The following ANGEL2 variants were observed in gnomAD, a reference collection of about 807,000 sequenced individuals.
ANGEL2 encodes the protein angel homolog 2, also known as RNA 2',3'-cyclic phosphatase ANGEL2.
A neutral mutation model predicts 66.0 loss-of-function variants in ANGEL2; 41 were observed. The ratio of observed to expected loss-of-function variants is 0.62; its 90% CI spans 0.48 to 0.81. The LOEUF is 0.81. ANGEL2 is among the 30% of genes least tolerant of loss of function. The pLI is 0.00. For missense variants in ANGEL2, 561 were observed against 641.6 expected, an observed-to-expected ratio of 0.87 and a Z score of 1.36; for synonymous variants, 208 against 226.5, an observed-to-expected ratio of 0.92 and a Z score of 0.73.
chr1:213,009,884 C>T (rs1469312970), intron 2 of ANGEL2, among the ~76,000 whole-genome samples: 1 of 151,982 alleles, frequency 6.6e-6, no homozygotes, highest in Non-Finnish European at 1.5e-5. Context: ...AACCCTGTCT[C>T]TACTAAAAAT....
At chr1:213,011,436 A>G in intron 2 of ANGEL2, 1 of 1,127,192 alleles carries the variant, frequency 8.9e-7, no homozygotes, top group Non-Finnish European at 1.1e-6. Context: ...CTTAACGAAG[A>G]GCATTTTCCT....
intron 7 of ANGEL2, 31 bp from the exon 8 acceptor site, chr1:212,997,349 C>T (rs369093729): frequency 7.9e-5 from 124 of 1,566,200 alleles, no homozygotes; most frequent in Admixed American, 3.0e-4. Flanking sequence ...GTTTAGAATC[C>T]GAGTTTTTGT....
At chr1:213,012,926 G>A (rs1480087604) in intron 2 of ANGEL2, among the ~76,000 whole-genome samples, 167 bp downstream of exon 2, 1 of 152,112 alleles carries the variant, frequency 6.6e-6, no homozygotes, top group Non-Finnish European at 1.5e-5. Flanking sequence ...TAAAAATAAA[G>A]ACTTCATTTA....
At chr1:213,000,995 G>A in intron 5 of ANGEL2, 83 bp from the exon 6 acceptor site, 1 of 1,377,558 alleles carries the variant, frequency 7.3e-7, no homozygotes, top group South Asian at 1.3e-5. Context: ...TAAATAAAAG[G>A]TAATCCAAAA....
intron 1 of ANGEL2, among the ~76,000 whole-genome samples, chr1:213,014,258 C>A (rs1020549380): frequency 1.3e-5 from 2 of 152,224 alleles, no homozygotes; most frequent in Non-Finnish European, 2.9e-5. Flanking sequence ...GGACTTTTAT[C>A]CTTTCCTCCA....
Position 213,015,760 on chromosome 1 carries a change from C to G in ANGEL2, c.-89G>C. The stretch of plus-strand genomic sequence containing the variant: ...GCGACGGCCTAAAGTATCTAGGGAA[C>G]CCCATCACTCTTAAGTACCGACTCC... On this transcript the variant is annotated 5_prime_UTR_variant, in exon 1 of 9. Coordinates refer to ENST00000366962, the MANE Select transcript of ANGEL2 (RefSeq NM_144567.5). 1.3e-6 allele frequency: 2 copies of G among 1,570,890 alleles called. No homozygotes were observed. The highest frequency in any genetic ancestry group is 1.7e-6 in the Non-Finnish European group (2 of 1,144,232).
intron 8 of ANGEL2, among the ~76,000 whole-genome samples, chr1:212,996,211 G>A (rs569992157): frequency 9.5e-4 from 145 of 152,304 alleles, no homozygotes; most frequent in Non-Finnish European, 1.0e-3. Context: ...GGAGGCTGAG[G>A]CAGGAGAATG....
chr1:212,998,882 AATT>A (rs1572112738), intron 7 of ANGEL2, among the ~76,000 whole-genome samples: 1 of 147,610 alleles, frequency 6.8e-6, no homozygotes. Context: ...TATTTTTTAA[AATT>A]ATTATCATTA....
chr1:212,996,640 A>AATATATAT lies in ANGEL2; in HGVS notation c.1483+507_1483+514dup, dbSNP rs34712162. The stretch of plus-strand genomic sequence containing the variant: ...TCTGTATCCAAAAAAAAAAAAAAAA[A>AATATATAT]ATATATATATATATATATATATATA... On this transcript the variant is annotated intron_variant, in intron 8 of 8. Coordinates refer to ENST00000366962, the MANE Select transcript of ANGEL2 (RefSeq NM_144567.5). Among the ~76,000 whole-genome samples the AATATATAT allele has an allele frequency of 6.2e-4, 41 of 66,470 alleles. 1 individual carries two copies. The highest frequency in any genetic ancestry group is 1.1e-3 in the East Asian group (2 of 1,748). 43.6% of individuals were successfully genotyped at this position (66,470 alleles called of 152,430 possible). A position where few individuals can be genotyped will look rare whatever the true frequency, so the allele number is the denominator to read the frequency against.
At chr1:212,998,196 G>A (rs934417829) in intron 7 of ANGEL2, among the ~76,000 whole-genome samples, 3 of 150,722 alleles carry the variant, frequency 2.0e-5, no homozygotes, top group African/African-American at 7.3e-5. Flanking sequence ...CTCGAGACCA[G>A]CCTGGGCAAC....
chr1:213,014,955 C>T (rs1272918335), intron 1 of ANGEL2, among the ~76,000 whole-genome samples: 1 of 152,194 alleles, frequency 6.6e-6, no homozygotes, highest in African/African-American at 2.4e-5. Context: ...AAAACATAAT[C>T]GCACATCAAA....
rs957517748 is a variant in ANGEL2 at position 213,005,288 on chromosome 1, C to T, written c.879G>A (p.Gln293=). ...RDNVGLVLLL[Q]PKIPYAACPA... Reference sequence around the variant, plus strand: ...GGCAGGCAGCATATGGAATTTTGGGCTGTAAGAGTAAAACTAATCCAACAT... The same window carrying T: ...GGCAGGCAGCATATGGAATTTTGGGTTGTAAGAGTAAAACTAATCCAACAT... The change falls in exon 5 of 9, where the codon CAG becomes CAA. Residue 293 remains glutamine, a synonymous_variant. Transcript: ENST00000366962. The T allele has an allele frequency of 1.2e-6, 2 of 1,614,194 alleles. No individual in the cohort carries two copies. Among genetic ancestry groups the T allele is most frequent in the East Asian group, 2.2e-5 (1 of 44,888 alleles).
intron 8 of ANGEL2, among the ~76,000 whole-genome samples, chr1:212,995,834 A>G (rs2148127732): frequency 6.6e-6 from 1 of 152,300 alleles, no homozygotes; most frequent in Middle Eastern, 3.4e-3. Context: ...GAACAAACAG[A>G]GGGGAAAAGG....
chr1:213,001,554 C>T (rs529216236), intron 5 of ANGEL2: 8 of 152,298 alleles, frequency 5.3e-5, no homozygotes, highest in Non-Finnish European at 8.8e-5. Context: ...TGGGGGTTGG[C>T]TGTGGCAATT....
intron 2 of ANGEL2, among the ~76,000 whole-genome samples, chr1:213,012,395 T>C (rs974025661): frequency 4.6e-5 from 7 of 152,126 alleles, no homozygotes; most frequent in Non-Finnish European, 7.4e-5. Context: ...GGAGATGGGG[T>C]TGTGATGGGG....
chr1:213,006,378 G>A (rs1452823584), intron 4 of ANGEL2, among the ~76,000 whole-genome samples: 2 of 151,044 alleles, frequency 1.3e-5, no homozygotes, highest in African/African-American at 4.9e-5. Flanking sequence ...GCAGGAGAAT[G>A]GCGTGAACCT....
At chr1:213,007,313 A>T (rs2076361663) in intron 3 of ANGEL2, 115 bp from the exon 4 acceptor site, 3 of 767,982 alleles carry the variant, frequency 3.9e-6, no homozygotes, top group Non-Finnish European at 6.1e-6. Context: ...CCTGATAAGA[A>T]TTGAAATAAA....
In ANGEL2 at chr1:213,006,323, G is replaced by A. The variant is rs189312015; in HGVS notation, c.712+806C>T. Among the ~76,000 whole-genome samples, 60 of 152,200 alleles carry A rather than the reference G, an allele frequency of 3.9e-4. 1 individual carries two copies. The East Asian group carries it at 0.01, about 26-fold the overall frequency. ...AAAAAAAATTCAAAAAATTAGCTGG[G>A]CATAGTGACGGACGCCTGTAGTCCC... On this transcript the variant is annotated intron_variant, in intron 4 of 8. Transcript: ENST00000366962.
rs771867277 is a variant in ANGEL2 at position 213,015,720 on chromosome 1, A to G, written c.-49T>C. 3.7e-6 allele frequency: 6 copies of G among 1,612,754 alleles called. No individual in the cohort carries two copies. In the South Asian group the frequency reaches 6.6e-5, roughly 18 times the overall value. On this transcript the variant is annotated 5_prime_UTR_variant, in exon 1 of 9. Transcript: ENST00000366962. ...TTCCCAGGCCCCGGGTTCCACCTCA[A>G]TCTCTATAATCGATGCGACGGCCTA...
Sources: allele counts gnomAD v4.1 joint callset (sites outside exome capture counted in the v4.1 genomes callset), GRCh38; gene constraint gnomAD v4.1.1; transcripts MANE v1.5; gene names NCBI Gene and HGNC (gene_info 2026-07-23, HGNC 2026-07-21).